The following ITGA8 variants were observed in gnomAD, a reference collection of about 807,000 sequenced individuals.
ITGA8 encodes integrin alpha-8.
ITGA8 carries 91 observed loss-of-function variants against 142.3 expected under a neutral mutation model. That is an observed-to-expected ratio of 0.64 (90% confidence interval 0.54 to 0.76). The LOEUF is 0.76. ITGA8 is among the 30% of genes least tolerant of loss of function. The pLI, the probability that ITGA8 is intolerant of heterozygous loss-of-function variation, is 0.00. For missense variants in ITGA8, 1,406 were observed against 1,327.7 expected (o/e 1.06, Z -0.92); for synonymous variants, 505 against 485.2 (o/e 1.04, Z -0.54).
At chr10:15,563,926 A>C (rs990335523) in intron 25 of ITGA8, among the ~76,000 whole-genome samples, 1 of 129,440 alleles carries the variant, frequency 7.7e-6, no homozygotes, top group South Asian at 2.2e-4. Context: ...TCCAAAAAAA[A>C]AAAAAACAAA....
chr10:15,635,041 T>C (rs1167010238), intron 13 of ITGA8, among the ~76,000 whole-genome samples: 1 of 146,296 alleles, frequency 6.8e-6, no homozygotes, highest in African/African-American at 2.6e-5. Flanking sequence ...GGAGTTTTGC[T>C]CTGTCACCAG....
rs759457352 is a variant in ITGA8, at chr10:15,608,277, C to G, written c.1567G>C (p.Val523Leu). The change falls in exon 16 of 30, where the codon GTA becomes CTA. Residue 523 changes from valine to leucine, a missense_variant. Physicochemically the swap from Val to Leu is conservative, Grantham distance 32. Transcript: ENST00000378076. ...CTCTGGCCTGTGACAGATGCACATA[C>G]TCTTAAAGAAAAGCTATAGAAAATA... The part of the protein sequence containing the change: ...MTSAACFSLR[V>L]CASVTGQSIA... 6.3e-7 allele frequency: 1 copy of G among 1,591,246 alleles called. No individual in the cohort carries two copies. The highest frequency in any genetic ancestry group is 8.5e-7 in the Non-Finnish European group (1 of 1,170,800).
intron 25 of ITGA8, among the ~76,000 whole-genome samples, chr10:15,560,969 G>C (rs1833963879): frequency 6.6e-6 from 1 of 151,818 alleles, no homozygotes. Flanking sequence ...AGCATAATGG[G>C]TACAATCGCA....
chr10:15,545,740 T>C (rs73598784), intron 27 of ITGA8, among the ~76,000 whole-genome samples: 8,389 of 152,238 alleles, frequency 0.055, 749 homozygotes, highest in African/African-American at 0.19. Flanking sequence ...AATTCAGTAT[T>C]GTGTGCCTGA....
Position 15,659,113 on chromosome 10 carries a change from T to G in ITGA8, c.892-58A>C, listed in dbSNP as rs888546318. The G allele has an allele frequency of 2.6e-6, 3 of 1,167,976 alleles. No homozygotes were observed. In the African/African-American group the frequency reaches 4.8e-5, roughly 19 times the overall value. The allele number at this position is 1,167,976 out of a possible 1,614,324, so 72.4% of individuals were successfully genotyped here. On this transcript the variant is annotated intron_variant, in intron 9 of 29. Coordinates refer to ENST00000378076, the MANE Select transcript of ITGA8 (RefSeq NM_003638.3). ...TTTGCCATAGAATTGGAGCCTTTTTTAAAAACTACAACTTGAATCATTTAA... is the reference window on the plus strand; with the variant it reads ...TTTGCCATAGAATTGGAGCCTTTTTGAAAAACTACAACTTGAATCATTTAA...
In ITGA8 at chr10:15,644,074, A is replaced by C. The variant is rs756975060; in HGVS notation, c.1355T>G (p.Phe452Cys). Reference sequence around the variant, plus strand: ...TATGTCTGAATCTCCTCTTAAAGTAAAGCCAAATCCGGAAGGGACAGCATG... The same window carrying C: ...TATGTCTGAATCTCCTCTTAAAGTACAGCCAAATCCGGAAGGGACAGCATG... Reference protein sequence around the residue: ...ASHAVPSGFGFTLRGDSDIDK... With the variant: ...ASHAVPSGFGCTLRGDSDIDK... The change falls in exon 13 of 30, where the codon TTT (phenylalanine) becomes TGT (cysteine). Residue 452 changes from phenylalanine (F) to cysteine (C), a missense_variant. By Grantham distance (205) the Phe-to-Cys change is radical. Transcript: ENST00000378076. 6 of 1,614,010 alleles carry C rather than the reference A, an allele frequency of 3.7e-6. No homozygotes were observed. Among genetic ancestry groups the C allele is most frequent in the Non-Finnish European group, 5.1e-6 (6 of 1,179,956 alleles).
At chr10:15,670,429 G>T (rs1432005370) in intron 8 of ITGA8, among the ~76,000 whole-genome samples, 6 of 152,192 alleles carry the variant, frequency 3.9e-5, no homozygotes, top group Admixed American at 1.3e-4. Context: ...AGAGTGTGAA[G>T]TCAGAACTTG....
chr10:15,598,183 A>C (rs1445522739), intron 20 of ITGA8, among the ~76,000 whole-genome samples: 1 of 152,148 alleles, frequency 6.6e-6, no homozygotes, highest in East Asian at 1.9e-4. Flanking sequence ...TATATTATCC[A>C]TCACCTTTGT....
intron 2 of ITGA8, among the ~76,000 whole-genome samples, chr10:15,699,580 T>G (rs189361353): frequency 2.9e-4 from 44 of 152,348 alleles, no homozygotes; most frequent in Middle Eastern, 3.4e-3. Flanking sequence ...CGTTTACATA[T>G]GAACATTTGT....
chr10:15,522,593 G>A (rs1020383102), intron 28 of ITGA8, among the ~76,000 whole-genome samples: 3 of 152,168 alleles, frequency 2.0e-5, no homozygotes, highest in African/African-American at 7.2e-5. Flanking sequence ...TAACCCCCAA[G>A]TCCATTGAGG....
chr10:15,575,328 T>C (rs1056716318), intron 24 of ITGA8, among the ~76,000 whole-genome samples, 161 bp downstream of exon 24: 3 of 152,134 alleles, frequency 2.0e-5, no homozygotes, highest in African/African-American at 7.2e-5. Context: ...AAGTCGAGGC[T>C]GCAGTGAGCT....
rs374257053 is a variant in ITGA8 at position 15,660,907 on chromosome 10, A to G, written c.863T>C (p.Ile288Thr). Residue 288 changes from isoleucine to threonine, a missense_variant, in exon 9 of 30, where the codon ATT (isoleucine) becomes ACT (threonine). Physicochemically the swap from Ile to Thr is moderately conservative, Grantham distance 89 (BLOSUM62 -1). Transcript: ENST00000378076. Reference protein sequence around the residue: ...GDSQQELVAGIPRGAQNFGYV... With the variant: ...GDSQQELVAGTPRGAQNFGYV... ...TCCAAAATTCTGTGCTCCTCTTGGA[A>G]TTCCAGCAACCAATTCTGGGGATGA... 7 of 1,613,838 alleles carry G rather than the reference A, an allele frequency of 4.3e-6. No individual in the cohort carries two copies. Among genetic ancestry groups the G allele is most frequent in the Non-Finnish European group, 5.1e-6 (6 of 1,179,798 alleles).
intron 27 of ITGA8, among the ~76,000 whole-genome samples, chr10:15,532,520 C>T (rs1213539706): frequency 1.4e-5 from 2 of 147,366 alleles, no homozygotes; most frequent in African/African-American, 2.5e-5. Context: ...TAGAGCCAAA[C>T]AGTGTTTTTA....
chr10:15,689,083 A>G (rs1834885136), intron 2 of ITGA8, among the ~76,000 whole-genome samples: 1 of 152,242 alleles, frequency 6.6e-6, no homozygotes, highest in Admixed American at 6.5e-5. Flanking sequence ...TCTTATATAT[A>G]GAATGCCCTA....
In ITGA8 at chr10:15,517,092, C is replaced by T. The variant is rs1832975866; in HGVS notation, c.*66G>A. ...TCAGAAAGCTTTGATTTTTAACCCT[C>T]ATGTTCTTTCTTTTTCTTTGAACAG... On this transcript the variant is annotated 3_prime_UTR_variant, in exon 30 of 30. Transcript: ENST00000378076. 5.0e-6 allele frequency: 6 copies of T among 1,208,752 alleles called. No individual in the cohort carries two copies. The East Asian group carries it at 1.4e-4, about 29-fold the overall frequency. 74.9% of individuals were successfully genotyped at this position (1,208,752 alleles called of 1,614,324 possible).
At chr10:15,557,769 C>T (rs147638775) in intron 26 of ITGA8, among the ~76,000 whole-genome samples, 30 of 152,308 alleles carry the variant, frequency 2.0e-4, no homozygotes, top group African/African-American at 5.5e-4. Flanking sequence ...CATCTATGCA[C>T]GGACTAACAA....
chr10:15,685,952 A>G (rs1195549300), intron 3 of ITGA8, among the ~76,000 whole-genome samples: 2 of 152,208 alleles, frequency 1.3e-5, no homozygotes, highest in African/African-American at 4.8e-5. Context: ...AGAGGAAATA[A>G]ATGCATATAA....
In ITGA8 at chr10:15,613,644, C is replaced by T. The variant is rs999310526; in HGVS notation, c.1553+16G>A. On this transcript the variant is annotated intron_variant, in intron 15 of 29. Transcript: ENST00000378076. Reference sequence around the variant, plus strand: ...TGAATTCACATTGGAGTTTGAGAAGCACCGGACTAACTCACCAGGCAGCAG... The same window carrying T: ...TGAATTCACATTGGAGTTTGAGAAGTACCGGACTAACTCACCAGGCAGCAG... The T allele has an allele frequency of 2.0e-6, 3 of 1,518,824 alleles. No individual in the cohort carries two copies. The highest frequency in any genetic ancestry group is 2.7e-6 in the Non-Finnish European group (3 of 1,093,526). 94.1% of individuals were successfully genotyped at this position (1,518,824 alleles called of 1,614,324 possible).
At chr10:15,639,227 AGCGGCTGG>A (rs1833825859) in intron 13 of ITGA8, among the ~76,000 whole-genome samples, 1 of 152,114 alleles carries the variant, frequency 6.6e-6, no homozygotes, top group Admixed American at 6.5e-5. Context: ...TGGAGAGAAC[AGCGGCTGG>A]TGGGTTTGAC....
Sources: gnomAD v4.1 joint callset for allele counts (sites outside exome capture counted in the v4.1 genomes callset) on GRCh38, gnomAD v4.1.1 for gene constraint, MANE v1.5 for transcripts, NCBI Gene and HGNC (gene_info 2026-07-23, HGNC 2026-07-21) for gene names.